Variants in FAIM observed in about 807,000 individuals in gnomAD.
The protein encoded by FAIM is Fas apoptotic inhibitory molecule.
A neutral mutation model predicts 21.2 loss-of-function variants in FAIM; 14 were observed. The observed-to-expected ratio is 0.66, with a 90% CI of 0.44 to 1.03. The LOEUF (loss-of-function observed/expected upper bound fraction) is 1.03. Ranked by LOEUF, FAIM falls within the 50% of genes least tolerant of loss-of-function variation. The probability of loss-of-function intolerance (pLI) is 0.00; values close to 1 mark genes in which losing one functional copy is unlikely to be tolerated. For synonymous variants in FAIM, 86 were observed against 80.4 expected (o/e 1.07, Z -0.37); for missense variants, 222 against 247.1 (o/e 0.90, Z 0.68).
At chr3:138,629,321 G>A in intron 5 of FAIM, 165 bp downstream of exon 5, 1 of 536,684 alleles carries the variant, frequency 1.9e-6, no homozygotes, top group Non-Finnish European at 3.2e-6. Context: ...ACCTTTGCCA[G>A]ATGGTGCCTG....
Position 138,608,791 on chromosome 3 carries a change from G to C in FAIM, c.-163G>C, listed in dbSNP as rs888777570. ...CAAACAGTCGGCGCGTTTGGTACTC[G>C]CGCCTGCAGAGCTTTCAACCTCCGC... On this transcript the variant is annotated 5_prime_UTR_variant, in exon 1 of 6. Transcript: ENST00000360570. 1 of 152,296 alleles carries C rather than the reference G, an allele frequency of 6.6e-6. No individual in the cohort carries two copies. Among genetic ancestry groups the C allele is most frequent in the Non-Finnish European group, 1.5e-5 (1 of 68,100 alleles). 9.4% of individuals were successfully genotyped at this position (152,296 alleles called of 1,614,324 possible).
chr3:138,624,804 T>A (rs747636590), intron 4 of FAIM, among the ~76,000 whole-genome samples: 2 of 152,046 alleles, frequency 1.3e-5, no homozygotes, highest in Non-Finnish European at 1.5e-5. Context: ...GTGATATGAG[T>A]GAAGTTTAAT....
chr3:138,610,086 G>A (rs1303277036), intron 1 of FAIM, among the ~76,000 whole-genome samples: 1 of 152,162 alleles, frequency 6.6e-6, no homozygotes, highest in Non-Finnish European at 1.5e-5. Context: ...ATTATTGGCT[G>A]GCCCTACCTG....
At chr3:138,614,230 A>T (rs962491780) in intron 1 of FAIM, among the ~76,000 whole-genome samples, 2 of 152,184 alleles carry the variant, frequency 1.3e-5, no homozygotes, top group African/African-American at 4.8e-5. Context: ...ACTTGAGTTC[A>T]GGAGTTTGAG....
At chr3:138,609,599 T>TCTCTCTCTCTCGA (rs2042743181) in intron 1 of FAIM, among the ~76,000 whole-genome samples, 1 of 69,370 alleles carries the variant, frequency 1.4e-5, no homozygotes, top group Non-Finnish European at 2.7e-5. Flanking sequence ...CTCGACTCTC[T>TCTCTCTCTCTCGA]CTCTCTCTCT....
chr3:138,619,718 T>C lies in FAIM; in HGVS notation c.-9T>C. 1 of 1,613,206 alleles carries C rather than the reference T, an allele frequency of 6.2e-7. No individual in the cohort carries two copies. The highest frequency in any genetic ancestry group is 8.5e-7 in the Non-Finnish European group (1 of 1,179,716). The stretch of plus-strand genomic sequence containing the variant: ...CTGCTAATTGGATTAAAGACTGTTT[T>C]TGCCAACCATGGCATCTGGAGATGA... On this transcript the variant is annotated 5_prime_UTR_variant, in exon 2 of 6. Coordinates refer to ENST00000360570, the MANE Select transcript of FAIM (RefSeq NM_001033031.2).
rs1211564764 is a variant in FAIM at position 138,629,143 on chromosome 3, A to C, written c.443A>C (p.Lys148Thr). 1 of 1,612,124 alleles carries C rather than the reference A, an allele frequency of 6.2e-7. No homozygotes were observed. Among genetic ancestry groups the C allele is most frequent in the Non-Finnish European group, 8.5e-7 (1 of 1,179,270 alleles). Residue 148 changes from lysine to threonine, a missense_variant, in exon 5 of 6, where the codon AAA (lysine) becomes ACA (threonine). Physicochemically the swap from Lys to Thr is moderately conservative, Grantham distance 78. Coordinates refer to ENST00000360570, the MANE Select transcript of FAIM (RefSeq NM_001033031.2). Reference sequence around the variant, plus strand: ...ATGGACGTATGGTGCAATGGTAAAAAATTGGAGACAGCGGTAAGTTGACTA... The same window carrying C: ...ATGGACGTATGGTGCAATGGTAAAACATTGGAGACAGCGGTAAGTTGACTA... ...DAMDVWCNGK[K>T]LETAGEFVDD...
chr3:138,626,529 T>C (rs933142573), intron 4 of FAIM, among the ~76,000 whole-genome samples: 8 of 152,342 alleles, frequency 5.3e-5, no homozygotes, highest in African/African-American at 1.9e-4. Context: ...AAGAACTTTT[T>C]CATATTTTTT....
rs1164691295 is a variant in FAIM at position 138,622,243 on chromosome 3, T to C, written c.233T>C (p.Val78Ala). 6.2e-7 allele frequency: 1 copy of C among 1,613,882 alleles called. No homozygotes were observed. The highest frequency in any genetic ancestry group is 1.7e-5 in the Admixed American group (1 of 59,992). The part of the protein sequence containing the change: ...FKLVGKETFY[V>A]GAAKTKATIN... ...TTAGTGGGCAAAGAAACATTCTATG[T>C]TGGAGCTGCAAAGACAAAAGCGACC... is the stretch of plus-strand genomic sequence containing the variant. Residue 78 changes from valine to alanine, a missense_variant, in exon 4 of 6, where the codon GTT (valine) becomes GCT (alanine). Physicochemically the swap from Val to Ala is moderately conservative, Grantham distance 64. Coordinates refer to ENST00000360570, the MANE Select transcript of FAIM (RefSeq NM_001033031.2).
intron 3 of FAIM, among the ~76,000 whole-genome samples, chr3:138,621,934 C>T (rs1221645481): frequency 6.6e-6 from 1 of 152,138 alleles, no homozygotes; most frequent in East Asian, 1.9e-4. Flanking sequence ...AGGCACCTGC[C>T]ATTACGCCCT....
At chr3:138,628,320 A>G (rs1450761635) in intron 4 of FAIM, among the ~76,000 whole-genome samples, 1 of 151,966 alleles carries the variant, frequency 6.6e-6, no homozygotes, top group Non-Finnish European at 1.5e-5. Flanking sequence ...ATCCTATATA[A>G]ATCCCGTGGC....
chr3:138,616,084 G>A (rs2042822985), intron 1 of FAIM, among the ~76,000 whole-genome samples: 1 of 152,192 alleles, frequency 6.6e-6, no homozygotes, highest in Admixed American at 6.5e-5. Flanking sequence ...CCCAGGACTG[G>A]CAGTGGAGAT....
At chr3:138,621,571 TGATATA>T in intron 3 of FAIM, 32 bp downstream of exon 3, 1 of 1,589,478 alleles carries the variant, frequency 6.3e-7, no homozygotes, top group Non-Finnish European at 8.6e-7. Context: ...TTGTAAAATA[TGATATA>T]TAGAGAAACT....
chr3:138,628,095 A>T (rs145964211), intron 4 of FAIM, among the ~76,000 whole-genome samples: 1 of 152,170 alleles, frequency 6.6e-6, no homozygotes, highest in Non-Finnish European at 1.5e-5. Context: ...CTCCACCCTG[A>T]GATGAGCTAT....
intron 1 of FAIM, among the ~76,000 whole-genome samples, chr3:138,611,262 A>AT (rs568087578): frequency 3.8e-4 from 57 of 149,512 alleles, no homozygotes; most frequent in East Asian, 1.6e-3. Flanking sequence ...GGACACCTGC[A>AT]TTTTTTTTTC....
chr3:138,613,556 C>A (rs1284865297), intron 1 of FAIM, among the ~76,000 whole-genome samples: 1 of 152,150 alleles, frequency 6.6e-6, no homozygotes, highest in Non-Finnish European at 1.5e-5. Context: ...AATCACAGCT[C>A]ACCTGCAGCC....
intron 4 of FAIM, among the ~76,000 whole-genome samples, chr3:138,627,234 T>C (rs1169291818): frequency 6.6e-6 from 1 of 151,214 alleles, no homozygotes; most frequent in Non-Finnish European, 1.5e-5. Flanking sequence ...CAGGCTGGAG[T>C]GCAGTGGTGC....
rs6802976 is a variant in FAIM at position 138,619,290 on chromosome 3, T to C, written c.-16-421T>C. On this transcript the variant is annotated intron_variant, in intron 1 of 5. Transcript: ENST00000360570. ...AACATTGATGCTCCCAGAAGATACA[T>C]TGTGTTTATCCTGGAGTTTGATGTA... 3.6e-3 allele frequency among the ~76,000 whole-genome samples: 541 copies of C among 152,302 alleles called. 2 individuals are homozygous for C. Among genetic ancestry groups the C allele is most frequent in the African/African-American group, 0.012 (510 of 41,576 alleles).
intron 5 of FAIM, among the ~76,000 whole-genome samples, chr3:138,632,182 A>AT (rs2043012816): frequency 6.6e-6 from 1 of 150,566 alleles, no homozygotes. Flanking sequence ...TGTAATTTTA[A>AT]TTTATCTAGT....
Sources: gnomAD v4.1 joint callset for allele counts (sites outside exome capture counted in the v4.1 genomes callset) on GRCh38, gnomAD v4.1.1 for gene constraint, MANE v1.5 for transcripts, NCBI Gene and HGNC (gene_info 2026-07-23, HGNC 2026-07-21) for gene names.